PTPRT: variants seen among roughly 807,000 people sequenced by gnomAD.
The protein encoded by PTPRT is protein tyrosine phosphatase receptor type T, also known as receptor-type tyrosine-protein phosphatase T.
PTPRT carries 56 observed loss-of-function variants against 176.8 expected under a neutral mutation model. The observed-to-expected ratio is 0.32, with a 90% CI of 0.26 to 0.40. PTPRT has a LOEUF of 0.40. Ranked by LOEUF, PTPRT falls within the 10% of genes least tolerant of loss-of-function variation. PTPRT has a pLI of 1.00. For missense variants in PTPRT, 1,540 were observed against 1,908.2 expected (o/e 0.81, Z 3.60); for synonymous variants, 783 against 739.0 (o/e 1.06, Z -0.96).
intron 9 of PTPRT, among the ~76,000 whole-genome samples, chr20:42,388,679 A>G (rs2058768522): frequency 6.6e-6 from 1 of 152,248 alleles, no homozygotes; most frequent in Admixed American, 6.5e-5. Flanking sequence ...CGTTGGTGGG[A>G]CTGTAAACTA....
intron 9 of PTPRT, among the ~76,000 whole-genome samples, chr20:42,383,983 T>C (rs1267230337): frequency 6.6e-6 from 1 of 152,160 alleles, no homozygotes; most frequent in African/African-American, 2.4e-5. Context: ...GTAGGATATG[T>C]GGGTAGATGG....
chr20:42,062,214 C>CAGA, the PTPRT span, among the ~76,000 whole-genome samples: 1 of 152,154 alleles, frequency 6.6e-6, no homozygotes, highest in Non-Finnish European at 1.5e-5. Context: ...CAGCATTAAG[C>CAGA]AGAAGGCCTG....
intron 7 of PTPRT, among the ~76,000 whole-genome samples, chr20:42,632,762 C>A (rs1466975331): frequency 2.0e-5 from 3 of 151,512 alleles, no homozygotes; most frequent in African/African-American, 7.3e-5. Context: ...TTCCTGAGTT[C>A]TGTGAGTCCT....
chr20:42,745,480 C>G (rs1210758751), intron 6 of PTPRT, among the ~76,000 whole-genome samples: 2 of 152,184 alleles, frequency 1.3e-5, no homozygotes, highest in Non-Finnish European at 2.9e-5. Context: ...AGTACCCCCC[C>G]TCTCCCATCG....
At chr20:42,302,374 A>T (rs189784238) in intron 12 of PTPRT, among the ~76,000 whole-genome samples, 49 of 152,218 alleles carry the variant, frequency 3.2e-4, no homozygotes, top group African/African-American at 1.1e-3. Context: ...CAACACCGGG[A>T]TTGTCTTCCC....
At chr20:43,130,265 C>G (rs1259176359) in intron 1 of PTPRT, among the ~76,000 whole-genome samples, 1 of 151,962 alleles carries the variant, frequency 6.6e-6, no homozygotes, top group East Asian at 1.9e-4. Flanking sequence ...GAGGCAAATC[C>G]CAGAAAATTA....
intron 19 of PTPRT, 95 bp downstream of exon 19, chr20:42,128,659 G>C: frequency 8.6e-7 from 1 of 1,159,006 alleles, no homozygotes; most frequent in Admixed American, 2.4e-5. Context: ...AGACTGCTCT[G>C]GAAGGGCCAC....
intron 1 of PTPRT, among the ~76,000 whole-genome samples, chr20:42,965,661 T>C (rs1312823170): frequency 6.6e-6 from 1 of 152,110 alleles, no homozygotes; most frequent in African/African-American, 2.4e-5. Context: ...CTTGCAAAAA[T>C]ATTACTGAAC....
In PTPRT at chr20:43,014,401, G is replaced by C. The variant is rs531286948; in HGVS notation, c.89-128469C>G. Among the ~76,000 whole-genome samples, 3 of 152,178 alleles carry C rather than the reference G, an allele frequency of 2.0e-5. No homozygotes were observed. The South Asian group carries it at 6.2e-4, about 31-fold the overall frequency. ...TTTCAAGTCCAATTTCACAAGCCAA[G>C]CTGATGTTTCATTCCCCCAGCATTA... On this transcript the variant is annotated intron_variant, in intron 1 of 30. Transcript: ENST00000373187.
At chr20:42,464,815 C>A (rs1206943410) in intron 8 of PTPRT, among the ~76,000 whole-genome samples, 1 of 152,072 alleles carries the variant, frequency 6.6e-6, no homozygotes, top group Non-Finnish European at 1.5e-5. Flanking sequence ...GTTTTACATG[C>A]CACATCTTGT....
At chr20:42,660,183 T>C (rs1408441206) in intron 7 of PTPRT, among the ~76,000 whole-genome samples, 1 of 152,130 alleles carries the variant, frequency 6.6e-6, no homozygotes, top group African/African-American at 2.4e-5. Flanking sequence ...GGAGCTTTCC[T>C]CCCAAAATAA....
intron 12 of PTPRT, among the ~76,000 whole-genome samples, chr20:42,303,772 A>G (rs550669334): frequency 5.9e-5 from 9 of 152,180 alleles, no homozygotes; most frequent in Non-Finnish European, 7.3e-5. Flanking sequence ...CGATGGTGGC[A>G]CTGGAGATGA....
At position 42,073,248 on chromosome 20, in the gene PTPRT, A is replaced by C; in HGVS notation, c.*7631T>G. ...AGAAGCCAAGGCAATGGTAGAGGCC[A>C]CAACTCTTTGTCTTTGATTGGCTAG... On this transcript the variant is annotated 3_prime_UTR_variant, in exon 31 of 31. Coordinates refer to ENST00000373187, the MANE Select transcript of PTPRT (RefSeq NM_007050.6). The C allele has an allele frequency of 5.3e-6, 1 of 189,664 alleles. No individual in the cohort carries two copies. The highest frequency in any genetic ancestry group is 1.1e-5 in the Non-Finnish European group (1 of 89,978). 11.7% of individuals were successfully genotyped at this position (189,664 alleles called of 1,614,324 possible). A position where few individuals can be genotyped will look rare whatever the true frequency, so the allele number is the denominator to read the frequency against.
chr20:42,199,088 T>C (rs1991345008), intron 16 of PTPRT, 152 bp downstream of exon 16: 2 of 872,732 alleles, frequency 2.3e-6, no homozygotes, highest in Admixed American at 5.6e-5. Context: ...CCCCAAGTCT[T>C]TGTCAGGGAG....
In PTPRT at chr20:42,929,961, C is replaced by T. The variant is rs78352700; in HGVS notation, c.89-44029G>A. 9.5e-3 allele frequency among the ~76,000 whole-genome samples: 1,450 copies of T among 152,266 alleles called. 8 individuals carry two copies. The highest frequency in any genetic ancestry group is 0.016 in the Non-Finnish European group (1,069 of 68,028). On this transcript the variant is annotated intron_variant, in intron 1 of 30. Coordinates refer to ENST00000373187, the MANE Select transcript of PTPRT (RefSeq NM_007050.6). ...GACCCATTACTGCAAGTTCTGTGTC[C>T]CCATCTCAGTGCCTGATCTGGCTGC...
At chr20:42,815,945 A>G (rs1569172141) in intron 2 of PTPRT, among the ~76,000 whole-genome samples, 1 of 152,236 alleles carries the variant, frequency 6.6e-6, no homozygotes, top group Non-Finnish European at 1.5e-5. Flanking sequence ...CTGTTTGAAC[A>G]GAAAACTTTT....
rs540694873 is a variant in PTPRT at position 42,072,987 on chromosome 20, T to C, written c.*7892A>G. Reference sequence around the variant, plus strand: ...TAGAATTGAAAAGAAAAAAAAAACATTGACAGCACAGTGCTGGCTTTTTTA... The same window carrying C: ...TAGAATTGAAAAGAAAAAAAAAACACTGACAGCACAGTGCTGGCTTTTTTA... On this transcript the variant is annotated 3_prime_UTR_variant, in exon 31 of 31. Coordinates refer to ENST00000373187, the MANE Select transcript of PTPRT (RefSeq NM_007050.6). The C allele has an allele frequency of 1.3e-5, 3 of 223,938 alleles. No individual in the cohort carries two copies. The highest frequency in any genetic ancestry group is 2.7e-5 in the Non-Finnish European group (3 of 111,822). The allele number at this position is 223,938 out of a possible 1,614,324, so 13.9% of individuals were successfully genotyped here. A position where few individuals can be genotyped will look rare whatever the true frequency, so the allele number is the denominator to read the frequency against.
chr20:42,518,578 T>C (rs574014116), intron 7 of PTPRT, among the ~76,000 whole-genome samples: 45 of 152,236 alleles, frequency 3.0e-4, no homozygotes, highest in African/African-American at 1.1e-3. Flanking sequence ...TATTCTCCTA[T>C]TTTAAATTGT....
chr20:43,092,708 CCTT>C (rs2011934603), intron 1 of PTPRT, among the ~76,000 whole-genome samples: 1 of 152,214 alleles, frequency 6.6e-6, no homozygotes, highest in Non-Finnish European at 1.5e-5. Context: ...TTTCTTTCCT[CCTT>C]CTTCTTCCTT....
Sources: gnomAD v4.1 joint callset for allele counts (sites outside exome capture counted in the v4.1 genomes callset) on GRCh38, gnomAD v4.1.1 for gene constraint, MANE v1.5 for transcripts, NCBI Gene and HGNC (gene_info 2026-07-23, HGNC 2026-07-21) for gene names.